ENPP6: variants seen among roughly 807,000 people sequenced by gnomAD.
The protein encoded by ENPP6 is glycerophosphocholine cholinephosphodiesterase ENPP6.
ENPP6 carries 32 observed loss-of-function variants against 42.0 expected under a neutral mutation model. The observed-to-expected ratio is 0.76, with a 90% CI of 0.58 to 1.02. ENPP6 has a LOEUF of 1.02. Among genes scored for constraint, ENPP6 ranks in the 50% least tolerant of loss-of-function variants. The pLI, the probability that ENPP6 is intolerant of heterozygous loss-of-function variation, is 0.00. For missense variants in ENPP6, 552 were observed against 566.8 expected (o/e 0.97, Z 0.27); for synonymous variants, 213 against 216.0 (o/e 0.99, Z 0.12).
intron 2 of ENPP6, among the ~76,000 whole-genome samples, chr4:184,144,018 C>T (rs1170296528): frequency 1.3e-5 from 2 of 152,168 alleles, no homozygotes; most frequent in African/African-American, 2.4e-5. Context: ...GCCAAGGGCC[C>T]ACAGACTCAG....
chr4:184,110,357 G>C (rs542503806), intron 6 of ENPP6, among the ~76,000 whole-genome samples: 1 of 152,316 alleles, frequency 6.6e-6, no homozygotes, highest in African/African-American at 2.4e-5. Context: ...GAGACTGAGG[G>C]GAAGCCGCTA....
In ENPP6 at chr4:184,150,426, G is replaced by A. The variant is rs117115389; in HGVS notation, c.421+3128C>T. ...CACCGAGAGGTCTGTACAATATCCT[G>A]TGGGGAGTGGAGAAGGAAGAGGAGG... On this transcript the variant is annotated intron_variant, in intron 2 of 7. Transcript: ENST00000296741. 3.3e-4 allele frequency among the ~76,000 whole-genome samples: 51 copies of A among 152,244 alleles called. No homozygotes were observed. The East Asian group carries it at 8.5e-3, about 25-fold the overall frequency.
intron 2 of ENPP6, among the ~76,000 whole-genome samples, chr4:184,145,809 G>T (rs1011175303): frequency 6.6e-6 from 1 of 152,226 alleles, no homozygotes; most frequent in Non-Finnish European, 1.5e-5. Flanking sequence ...ACCTCCGATA[G>T]ATGTGCGATG....
intron 1 of ENPP6, among the ~76,000 whole-genome samples, chr4:184,183,517 ACATT>A (rs1414322432): frequency 1.3e-5 from 2 of 148,616 alleles, no homozygotes; most frequent in African/African-American, 5.1e-5. Context: ...ACACACACAC[ACATT>A]CACACACACA....
At chr4:184,121,842 A>G (rs906464170) in intron 3 of ENPP6, among the ~76,000 whole-genome samples, 22 of 152,234 alleles carry the variant, frequency 1.4e-4, no homozygotes, top group Admixed American at 6.5e-5. Flanking sequence ...TTTCAAAGAA[A>G]AATGTTGACC....
intron 5 of ENPP6, among the ~76,000 whole-genome samples, chr4:184,113,050 G>A (rs958190112): frequency 3.3e-5 from 5 of 152,218 alleles, no homozygotes. Flanking sequence ...CTGAGGAATA[G>A]AGTGAAATCC....
intron 1 of ENPP6, among the ~76,000 whole-genome samples, chr4:184,187,561 C>T (rs1011494887): frequency 6.6e-6 from 1 of 152,212 alleles, no homozygotes; most frequent in Non-Finnish European, 1.5e-5. Flanking sequence ...CGGATATCTA[C>T]AGGCCAGCTC....
chr4:184,130,560 AC>A (rs199698607), intron 2 of ENPP6, among the ~76,000 whole-genome samples: 3,946 of 114,604 alleles, frequency 0.034, 952 homozygotes, highest in South Asian at 0.079. Context: ...TCCAAATCAA[AC>A]AAAACAAAAC....
At chr4:184,119,437 G>A (rs1736379043) in intron 3 of ENPP6, among the ~76,000 whole-genome samples, 1 of 151,210 alleles carries the variant, frequency 6.6e-6, no homozygotes, top group South Asian at 2.1e-4. Flanking sequence ...GTTGAACCTT[G>A]GCATATTCCT....
Position 184,117,028 on chromosome 4 carries a change from C to A in ENPP6, c.683G>T (p.Gly228Val). The A allele has an allele frequency of 6.2e-7, 1 of 1,614,198 alleles. No individual in the cohort carries two copies. Among genetic ancestry groups the A allele is most frequent in the Non-Finnish European group, 8.5e-7 (1 of 1,180,034 alleles). ...AATGACGTTCAGGCGGTCCTGCAGG[C>A]CCCGCTCCTGTGGGGTGGGAAAAGA... is the stretch of plus-strand genomic sequence containing the variant. The part of the protein sequence containing the change: ...KYMTKWIQER[G>V]LQDRLNVIIF... Residue 228 changes from glycine to valine, a missense_variant, in exon 5 of 8, where the codon GGC becomes GTC. Transcript: ENST00000296741.
chr4:184,151,196 G>T (rs1021912919), intron 2 of ENPP6, among the ~76,000 whole-genome samples: 1 of 152,182 alleles, frequency 6.6e-6, no homozygotes, highest in South Asian at 2.1e-4. Flanking sequence ...AAATTAGCCA[G>T]GCGTGGTGGT....
At chr4:184,190,186 G>A (rs1732695143) in intron 1 of ENPP6, among the ~76,000 whole-genome samples, 1 of 152,078 alleles carries the variant, frequency 6.6e-6, no homozygotes, top group Non-Finnish European at 1.5e-5. Flanking sequence ...AATATCTCTT[G>A]GGTAATACAA....
intron 5 of ENPP6, among the ~76,000 whole-genome samples, chr4:184,113,907 C>CTTTCTTTCT (rs1212708359): frequency 2.9e-4 from 29 of 100,920 alleles, no homozygotes; most frequent in Non-Finnish European, 3.6e-4. Context: ...TCTTTTCTTT[C>CTTTCTTTCT]TTTCTTTCTT....
intron 1 of ENPP6, among the ~76,000 whole-genome samples, chr4:184,167,376 A>G (rs1339429503): frequency 6.6e-6 from 1 of 152,330 alleles, no homozygotes; most frequent in African/African-American, 2.4e-5. Context: ...TGGCCTCCCA[A>G]AGTGGGATCA....
intron 1 of ENPP6, among the ~76,000 whole-genome samples, chr4:184,183,033 C>T (rs986195403): frequency 2.0e-5 from 3 of 152,300 alleles, no homozygotes; most frequent in Admixed American, 2.0e-4. Context: ...AAAATAGAAT[C>T]TCATCTCTTT....
At chr4:184,127,123 A>C (rs1226562482) in intron 2 of ENPP6, among the ~76,000 whole-genome samples, 1 of 152,252 alleles carries the variant, frequency 6.6e-6, no homozygotes, top group Non-Finnish European at 1.5e-5. Flanking sequence ...TATATTATGG[A>C]CTTTACAACA....
intron 2 of ENPP6, among the ~76,000 whole-genome samples, chr4:184,148,422 A>G (rs1736962933): frequency 6.6e-6 from 1 of 152,226 alleles, no homozygotes; most frequent in Non-Finnish European, 1.5e-5. Context: ...ATGTGGTTAG[A>G]CAGCTATAAA....
At chr4:184,167,589 G>A (rs1485052942) in intron 1 of ENPP6, among the ~76,000 whole-genome samples, 1 of 152,142 alleles carries the variant, frequency 6.6e-6, no homozygotes, top group African/African-American at 2.4e-5. Flanking sequence ...ACCATCCCCC[G>A]CCCGCTTTTT....
intron 2 of ENPP6, among the ~76,000 whole-genome samples, chr4:184,125,078 G>C (rs139095452): frequency 1.4e-4 from 21 of 152,326 alleles, no homozygotes; most frequent in African/African-American, 4.6e-4. Context: ...GGATCTGGTA[G>C]GGTCTCCTTC....
Sources: gnomAD v4.1 joint callset for allele counts (sites outside exome capture counted in the v4.1 genomes callset) on GRCh38, gnomAD v4.1.1 for gene constraint, MANE v1.5 for transcripts, NCBI Gene and HGNC (gene_info 2026-07-23, HGNC 2026-07-21) for gene names.